The following PKP4 variants were observed in gnomAD, a reference collection of about 807,000 sequenced individuals.
The protein encoded by PKP4 is plakophilin 4.
A neutral mutation model predicts 145.1 loss-of-function variants in PKP4; 90 were observed. The observed-to-expected ratio is 0.62, with a 90% CI of 0.52 to 0.74. The LOEUF is 0.74. Among genes scored for constraint, PKP4 ranks in the 30% least tolerant of loss-of-function variants. The probability of loss-of-function intolerance (pLI) is 0.00; values close to 1 mark genes in which losing one functional copy is unlikely to be tolerated. For synonymous variants in PKP4, 563 were observed against 577.2 expected (o/e 0.98, Z 0.35); for missense variants, 1,340 against 1,482.7 (o/e 0.90, Z 1.58).
At chr2:158,680,398 T>A in intron 21 of PKP4, 31 bp from the exon 22 acceptor site, 1 of 1,540,150 alleles carries the variant, frequency 6.5e-7, no homozygotes, top group Non-Finnish European at 8.8e-7. Flanking sequence ...AAAATTGCTT[T>A]TATTTATTTG....
At chr2:158,662,030 T>C (rs1476686242) in intron 13 of PKP4, among the ~76,000 whole-genome samples, 1 of 152,064 alleles carries the variant, frequency 6.6e-6, no homozygotes, top group Admixed American at 6.5e-5. Flanking sequence ...AGGATCCTCC[T>C]GGGGGCCGAG....
intron 2 of PKP4, among the ~76,000 whole-genome samples, chr2:158,547,258 C>G (rs2105686283): frequency 6.6e-6 from 1 of 152,256 alleles, no homozygotes; most frequent in Non-Finnish European, 1.5e-5. Context: ...CAAATACCCA[C>G]CAAACTAGAA....
In PKP4 at chr2:158,663,284, G is replaced by C. The variant is rs1486052863; in HGVS notation, c.2416G>C (p.Gly806Arg). ...TPQEDQWDGV[G>R]PIPGLSKSPK... ...GTTTGTCTTTCAGTGGGATGGAGTTGGTCCTATCCCAGGACTGTCGAAGTC... is the reference window on the plus strand; with the variant it reads ...GTTTGTCTTTCAGTGGGATGGAGTTCGTCCTATCCCAGGACTGTCGAAGTC... The change falls in exon 15 of 22, where the codon GGT becomes CGT. Residue 806 changes from glycine to arginine, a missense_variant. Transcript: ENST00000389759. The C allele has an allele frequency of 6.2e-7, 1 of 1,613,048 alleles. No homozygotes were observed. The highest frequency in any genetic ancestry group is 1.1e-5 in the South Asian group (1 of 90,918).
At chr2:158,602,825 GTCT>G (rs758688055) in intron 3 of PKP4, among the ~76,000 whole-genome samples, 13 of 151,968 alleles carry the variant, frequency 8.6e-5, no homozygotes, top group East Asian at 1.9e-4. Context: ...GTGCTGTTTT[GTCT>G]TCTTCAAGTA....
At chr2:158,507,351 AGTAGCTGCCCATG>A (rs750415234) in intron 1 of PKP4, among the ~76,000 whole-genome samples, 1 of 152,256 alleles carries the variant, frequency 6.6e-6, no homozygotes, top group Non-Finnish European at 1.5e-5. Context: ...ATGTAATTTC[AGTAGCTGCCCATG>A]GCAGCTGTTA....
At chr2:158,583,984 G>A (rs1397853758) in intron 3 of PKP4, among the ~76,000 whole-genome samples, 6 of 152,122 alleles carry the variant, frequency 3.9e-5, no homozygotes, top group African/African-American at 1.4e-4. Context: ...AAATGGTTTA[G>A]CGCCAGGTTC....
At chr2:158,535,874 G>T (rs1296610203) in intron 2 of PKP4, among the ~76,000 whole-genome samples, 1 of 152,134 alleles carries the variant, frequency 6.6e-6, no homozygotes, top group Non-Finnish European at 1.5e-5. Context: ...ATGCAACTGG[G>T]TACATAAAAT....
At chr2:158,486,247 A>G (rs1395035689) in intron 1 of PKP4, among the ~76,000 whole-genome samples, 1 of 152,204 alleles carries the variant, frequency 6.6e-6, no homozygotes. Context: ...ATTGTATTAT[A>G]TTGTATGAGG....
At chr2:158,565,756 C>T (rs941072661) in intron 2 of PKP4, among the ~76,000 whole-genome samples, 1 of 152,130 alleles carries the variant, frequency 6.6e-6, no homozygotes, top group Non-Finnish European at 1.5e-5. Context: ...CCTGAGCTCT[C>T]CTACAGCTTT....
At chr2:158,656,979 A>G (rs2056022973) in intron 11 of PKP4, among the ~76,000 whole-genome samples, 1 of 152,092 alleles carries the variant, frequency 6.6e-6, no homozygotes, top group African/African-American at 2.4e-5. Context: ...TTGATCAGTC[A>G]TGTTCACAAG....
intron 1 of PKP4, among the ~76,000 whole-genome samples, chr2:158,466,574 G>A (rs1346940355): frequency 5.9e-5 from 9 of 151,890 alleles, no homozygotes; most frequent in African/African-American, 1.9e-4. Flanking sequence ...GCGTGGTGGC[G>A]GGCGCCTGTA....
In PKP4 at chr2:158,625,226, C is replaced by T. The variant is rs2052650951; in HGVS notation, c.952C>T (p.Leu318=). The change falls in exon 7 of 22, where the codon CTG becomes TTG. Residue 318 remains leucine (L), a synonymous_variant. Coordinates refer to ENST00000389759, the MANE Select transcript of PKP4 (RefSeq NM_003628.6). ...CGCCAGAGTGGGGTCCCCACTGACCCTGACGGATGCACAGACTCGAGTAGC... is the reference window on the plus strand; with the variant it reads ...CGCCAGAGTGGGGTCCCCACTGACCTTGACGGATGCACAGACTCGAGTAGC... ...TTARVGSPLT[L]TDAQTRVASP... 3 of 1,614,082 alleles carry T rather than the reference C, an allele frequency of 1.9e-6. No homozygotes were observed. The highest frequency in any genetic ancestry group is 1.7e-6 in the Non-Finnish European group (2 of 1,180,046).
chr2:158,536,795 A>G (rs1039247763), intron 2 of PKP4, among the ~76,000 whole-genome samples: 1 of 152,186 alleles, frequency 6.6e-6, no homozygotes, highest in Non-Finnish European at 1.5e-5. Context: ...GACAGAAAGA[A>G]TCTTTGCTAC....
chr2:158,653,015 C>G (rs1228752486), intron 11 of PKP4, among the ~76,000 whole-genome samples: 2 of 152,170 alleles, frequency 1.3e-5, no homozygotes, highest in African/African-American at 4.8e-5. Context: ...AGGGGCCTGT[C>G]CAGTGATGAT....
intron 2 of PKP4, among the ~76,000 whole-genome samples, chr2:158,576,351 A>G (rs1259817286): frequency 6.6e-6 from 1 of 152,244 alleles, no homozygotes; most frequent in Non-Finnish European, 1.5e-5. Context: ...CAGTCATCAA[A>G]TTAAACTACT....
rs1439786275 is a variant in PKP4, at chr2:158,621,764, A to AT, written c.603+343_603+344insT. 3.0e-3 allele frequency among the ~76,000 whole-genome samples: 456 copies of AT among 151,616 alleles called. 2 individuals are homozygous for AT. Among genetic ancestry groups the AT allele is most frequent in the Non-Finnish European group, 4.7e-3 (319 of 67,862 alleles). On this transcript the variant is annotated intron_variant, in intron 6 of 21. Transcript: ENST00000389759. ...CCGTCTCAAAACAAAAAAAAAAAAA[A>AT]GGAAAAAAAAAGAAATACACTCCTA... is the stretch of plus-strand genomic sequence containing the variant.
At chr2:158,570,010 C>T (rs2047292666) in intron 2 of PKP4, among the ~76,000 whole-genome samples, 1 of 152,068 alleles carries the variant, frequency 6.6e-6, no homozygotes, top group Admixed American at 6.6e-5. Flanking sequence ...AGGAAGCTAG[C>T]CAGTACAATG....
intron 11 of PKP4, among the ~76,000 whole-genome samples, chr2:158,646,392 T>C (rs767418490): frequency 3.9e-5 from 6 of 152,220 alleles, no homozygotes; most frequent in Non-Finnish European, 8.8e-5. Context: ...GAGTTCCCAG[T>C]TCAAAAAGCC....
chr2:158,558,924 C>T (rs978845757), intron 2 of PKP4, among the ~76,000 whole-genome samples: 8 of 152,110 alleles, frequency 5.3e-5, no homozygotes, highest in Non-Finnish European at 2.9e-5. Context: ...TTGGAAACCA[C>T]GGTGCCTCCT....
Sources: gnomAD v4.1 joint callset for allele counts (sites outside exome capture counted in the v4.1 genomes callset) on GRCh38, gnomAD v4.1.1 for gene constraint, MANE v1.5 for transcripts, NCBI Gene and HGNC (gene_info 2026-07-23, HGNC 2026-07-21) for gene names.